The following TRIM29 variants were observed in gnomAD, a reference collection of about 807,000 sequenced individuals.
TRIM29 encodes the protein tripartite motif containing 29, also known as tripartite motif-containing protein 29.
In TRIM29, 52 loss-of-function variants were observed where a neutral mutation model predicts 57.3. The observed-to-expected ratio is 0.91, with a 90% CI of 0.73 to 1.14. The LOEUF (loss-of-function observed/expected upper bound fraction) is 1.14, where lower values mean the gene tolerates loss of function less well. TRIM29 is among the 50% of genes most tolerant of loss of function. The pLI is 0.00. For missense variants in TRIM29, 753 were observed against 774.6 expected (o/e 0.97, Z 0.33); for synonymous variants, 319 against 316.9 (o/e 1.01, Z -0.07).
Position 120,137,633 on chromosome 11 carries a change from C to T in TRIM29, c.399G>A (p.Ser133=), listed in dbSNP as rs772848985. The T allele has an allele frequency of 4.3e-6, 7 of 1,613,556 alleles. No homozygotes were observed. The South Asian group carries it at 6.6e-5, about 15-fold the overall frequency. ...TGGACACCGTGGGCTTCCGGGACTC[C>T]GAGAAAATGGACTTGCGCAGCTCGC... The part of the protein sequence containing the change: ...EKGELRKSIF[S]ESRKPTVSIM... Residue 133 remains serine, a synonymous_variant, in exon 1 of 9, where the codon TCG becomes TCA. Coordinates refer to ENST00000341846, the MANE Select transcript of TRIM29 (RefSeq NM_012101.4). The surrounding 1 kb of genome is among the most constrained non-coding windows in gnomAD (Gnocchi z 6.2).
intron 8 of TRIM29, among the ~76,000 whole-genome samples, chr11:120,114,499 T>C (rs1863217364): frequency 6.6e-6 from 1 of 152,198 alleles, no homozygotes; most frequent in Admixed American, 6.5e-5. Context: ...AAACAAGGGC[T>C]CCGGCCCTGG....
At chr11:120,128,652 G>A in intron 1 of TRIM29, 157 bp from the exon 2 acceptor site, 1 of 1,530,258 alleles carries the variant, frequency 6.5e-7, no homozygotes, top group Non-Finnish European at 8.8e-7. Flanking sequence ...CAGGACCTCG[G>A]ATATGCCAGG....
Position 120,138,087 on chromosome 11 carries a change from T to C in TRIM29, c.-56A>G. 1 of 1,496,378 alleles carries C rather than the reference T, an allele frequency of 6.7e-7. No homozygotes were observed. Among genetic ancestry groups the C allele is most frequent in the Non-Finnish European group, 8.9e-7 (1 of 1,128,624 alleles). 92.7% of individuals were successfully genotyped at this position (1,496,378 alleles called of 1,614,324 possible). On this transcript the variant is annotated 5_prime_UTR_variant, in exon 1 of 9. Coordinates refer to ENST00000341846, the MANE Select transcript of TRIM29 (RefSeq NM_012101.4). ...TTGCTGGGGTTCAGGATAGGTGACC[T>C]TTCTGGCAGGCGTCTCGGCAGGGAG...
At chr11:120,122,133 T>TGA (rs764103577) in intron 5 of TRIM29, 228 of 141,640 alleles carry the variant, frequency 1.6e-3, no homozygotes, top group African/African-American at 6.0e-3. Flanking sequence ...TGTGTGTGAG[T>TGA]GTGTGTGTGT....
chr11:120,117,999 G>C lies in TRIM29; in HGVS notation c.1627+224C>G, dbSNP rs1456351867. 1.4e-5 allele frequency: 8 copies of C among 574,168 alleles called. No individual in the cohort carries two copies. The Admixed American group carries it at 1.5e-4, about 11-fold the overall frequency. The allele number at this position is 574,168 out of a possible 1,614,324, so 35.6% of individuals were successfully genotyped here. On this transcript the variant is annotated intron_variant, in intron 7 of 8. Coordinates refer to ENST00000341846, the MANE Select transcript of TRIM29 (RefSeq NM_012101.4). ...TGTTGCAGCGTGTAGTTAGAGACTA[G>C]AGAGCGGTGAAACAAGCCCTGGGAA...
chr11:120,133,506 T>C (rs1863757219), intron 1 of TRIM29, among the ~76,000 whole-genome samples: 1 of 152,190 alleles, frequency 6.6e-6, no homozygotes, highest in Non-Finnish European at 1.5e-5. Flanking sequence ...TATTTTGTTA[T>C]TTCCCCCTTA....
intron 2 of TRIM29, 108 bp downstream of exon 2, chr11:120,128,292 T>C (rs1863641137): frequency 1.2e-6 from 1 of 855,426 alleles, no homozygotes; most frequent in Admixed American, 2.3e-5. Flanking sequence ...AGAAACATAT[T>C]GGGATGTCTA....
rs940483559 is a variant in TRIM29 at position 120,112,428 on chromosome 11, T to G, written c.1753A>C (p.Asn585His). ...CCGCCAGGAGCTCATGGGGCTTCGT[T>G]GGACCCAATCCCGTTGCCTTTGTTG... ...YVNKGNGIGSNEAP is the reference protein window; with the variant it reads ...YVNKGNGIGSHEAP The change falls in exon 9 of 9, where the codon AAC (asparagine) becomes CAC (histidine). Residue 585 changes from asparagine to histidine, a missense_variant. Physicochemically the swap from Asn to His is moderately conservative, Grantham distance 68. Transcript: ENST00000341846. 1 of 1,613,464 alleles carries G rather than the reference T, an allele frequency of 6.2e-7. No individual in the cohort carries two copies. Among genetic ancestry groups the G allele is most frequent in the Non-Finnish European group, 8.5e-7 (1 of 1,179,790 alleles).
At chr11:120,135,401 C>T (rs922330318) in intron 1 of TRIM29, among the ~76,000 whole-genome samples, 3 of 152,044 alleles carry the variant, frequency 2.0e-5, no homozygotes, top group African/African-American at 7.2e-5. Context: ...TGAGACTGAG[C>T]GTGGAAAGGA....
Position 120,134,942 on chromosome 11 carries a change from C to T in TRIM29, c.804+2286G>A, listed in dbSNP as rs959006421. On this transcript the variant is annotated intron_variant, in intron 1 of 8. Coordinates refer to ENST00000341846, the MANE Select transcript of TRIM29 (RefSeq NM_012101.4). The stretch of plus-strand genomic sequence containing the variant: ...CTACGGTTTGACGTTAACTTCTAGC[C>T]GCTCTGTGTAACTAGACGGGCGCTC... 5.3e-5 allele frequency among the ~76,000 whole-genome samples: 8 copies of T among 152,300 alleles called. No homozygotes were observed. In the South Asian group the frequency reaches 6.2e-4, roughly 12 times the overall value.
chr11:120,123,869 C>T, intron 4 of TRIM29: 4 of 253,014 alleles, frequency 1.6e-5, no homozygotes, highest in South Asian at 1.1e-4. Flanking sequence ...TAGGTGTTAG[C>T]CCAGCCCTGT....
At position 120,127,256 on chromosome 11, in the gene TRIM29, G is replaced by T. The variant is rs1466447644; in HGVS notation, c.1134+80C>A. ...GAATAGGTGGATAAGTGGATAGGTG[G>T]ATGGATGGATGTTGGAGGGGGGTCT... On this transcript the variant is annotated intron_variant, in intron 3 of 8. Transcript: ENST00000341846. 4 of 1,220,226 alleles carry T rather than the reference G, an allele frequency of 3.3e-6. No individual in the cohort carries two copies. The African/African-American group carries it at 5.9e-5, about 18-fold the overall frequency. 75.6% of individuals were successfully genotyped at this position (1,220,226 alleles called of 1,614,324 possible). A position where few individuals can be genotyped will look rare whatever the true frequency, so the allele number is the denominator to read the frequency against.
At chr11:120,136,513 C>T (rs756622934) in intron 1 of TRIM29, among the ~76,000 whole-genome samples, 14 of 152,184 alleles carry the variant, frequency 9.2e-5, no homozygotes, top group South Asian at 2.1e-4. Flanking sequence ...CAACGGTGTC[C>T]GCCTGCAGGA....
chr11:120,129,285 G>T (rs1381910141), intron 1 of TRIM29, among the ~76,000 whole-genome samples: 1 of 152,152 alleles, frequency 6.6e-6, no homozygotes, highest in Admixed American at 6.5e-5. Context: ...TCTCTGAAAA[G>T]CAGCCACAAT....
rs141454834 is a variant in TRIM29 at position 120,112,404 on chromosome 11, C to T, written c.*10G>A. ...CAGGGGTGTGGCGCCTCGTTCCTTCCGCCAGGAGCTCATGGGGCTTCGTTG... is the reference window on the plus strand; with the variant it reads ...CAGGGGTGTGGCGCCTCGTTCCTTCTGCCAGGAGCTCATGGGGCTTCGTTG... On this transcript the variant is annotated 3_prime_UTR_variant, in exon 9 of 9. Coordinates refer to ENST00000341846, the MANE Select transcript of TRIM29 (RefSeq NM_012101.4). 1.7e-4 allele frequency: 273 copies of T among 1,613,534 alleles called. 1 individual carries two copies. In the East Asian group the frequency reaches 4.1e-3, roughly 24 times the overall value.
chr11:120,112,455 C>T lies in TRIM29; in HGVS notation c.1726G>A (p.Val576Ile), dbSNP rs751907162. Residue 576 changes from valine (V) to isoleucine (I), a missense_variant, in exon 9 of 9, where the codon GTC (valine) becomes ATC (isoleucine). Transcript: ENST00000341846. The stretch of plus-strand genomic sequence containing the variant: ...GACCCAATCCCGTTGCCTTTGTTGA[C>T]GTAGAATGGCCGGTAGTGAGACTGT... ...TMLSHYRPFYVNKGNGIGSNE... is the reference protein window; with the variant it reads ...TMLSHYRPFYINKGNGIGSNE... 1.1e-5 allele frequency: 17 copies of T among 1,612,978 alleles called. No homozygotes were observed. Among genetic ancestry groups the T allele is most frequent in the Admixed American group, 1.7e-5 (1 of 59,710 alleles).
At chr11:120,120,315 A>C (rs1863401612) in intron 6 of TRIM29, among the ~76,000 whole-genome samples, 1 of 149,068 alleles carries the variant, frequency 6.7e-6, no homozygotes, top group African/African-American at 2.5e-5. Flanking sequence ...TTTTTCCTCC[A>C]GCCTAACTAA....
intron 8 of TRIM29, chr11:120,113,691 G>A (rs1863196167): frequency 4.4e-6 from 2 of 456,216 alleles, no homozygotes; most frequent in East Asian, 1.4e-4. Flanking sequence ...ACCCAGGGAG[G>A]GGTAAGAACA....
chr11:120,127,914 A>G (rs973750857), intron 2 of TRIM29, among the ~76,000 whole-genome samples: 3 of 152,174 alleles, frequency 2.0e-5, no homozygotes, highest in Non-Finnish European at 4.4e-5. Context: ...ATTATTCAGA[A>G]AATGAATGTA....
Sources: gnomAD v4.1 joint callset for allele counts (sites outside exome capture counted in the v4.1 genomes callset) on GRCh38, gnomAD v4.1.1 for gene constraint, Gnocchi (gnomAD v3.1) non-coding constraint, MANE v1.5 for transcripts, NCBI Gene and HGNC (gene_info 2026-07-23, HGNC 2026-07-21) for gene names.